GALNT17: variants seen among roughly 807,000 people sequenced by gnomAD.
GALNT17 encodes the protein UDP-GalNAc:polypeptide N-acetylgalactosaminyltransferase-like 3.
GALNT17 carries 29 observed loss-of-function variants against 63.7 expected under a neutral mutation model. That is an observed-to-expected ratio of 0.46 (90% CI 0.34 to 0.62). GALNT17 has a LOEUF of 0.62. Ranked by LOEUF, GALNT17 falls within the 20% of genes least tolerant of loss-of-function variation. The pLI is 0.01. For synonymous variants in GALNT17, 305 were observed against 318.3 expected, an observed-to-expected ratio of 0.96 and a Z score of 0.45; for missense variants, 603 against 799.6, an observed-to-expected ratio of 0.75 and a Z score of 2.97.
At chr7:71,534,320 C>G (rs1788768038) in intron 5 of GALNT17, among the ~76,000 whole-genome samples, 1 of 152,074 alleles carries the variant, frequency 6.6e-6, no homozygotes, top group Admixed American at 6.5e-5. Flanking sequence ...ATCAGATTGG[C>G]CGGGCACAGT....
At chr7:71,454,713 A>G (rs1332883174) in intron 5 of GALNT17, among the ~76,000 whole-genome samples, 1 of 152,198 alleles carries the variant, frequency 6.6e-6, no homozygotes. Context: ...ATTCAGCTTT[A>G]TGCCTCTTCA....
chr7:71,219,053 A>ACAATAACTC (rs1204786301), intron 1 of GALNT17, among the ~76,000 whole-genome samples: 1 of 152,166 alleles, frequency 6.6e-6, no homozygotes, highest in African/African-American at 2.4e-5. Context: ...TGCTGTAGTG[A>ACAATAACTC]CAATAACTCA....
At chr7:71,463,088 G>T (rs1787478409) in intron 5 of GALNT17, among the ~76,000 whole-genome samples, 1 of 152,198 alleles carries the variant, frequency 6.6e-6, no homozygotes, top group Non-Finnish European at 1.5e-5. Flanking sequence ...GGGCTGAAGT[G>T]TGGAGATTGT....
At chr7:71,321,910 C>CCTTCCTTCCTTT (rs1563001159) in intron 1 of GALNT17, among the ~76,000 whole-genome samples, 1 of 94,884 alleles carries the variant, frequency 1.1e-5, no homozygotes, top group African/African-American at 3.8e-5. Flanking sequence ...TTCCTTCCTT[C>CCTTCCTTCCTTT]CTTCCTTCCT....
At chr7:71,711,984 C>G (rs1358556840) in intron 10 of GALNT17, 34 bp from the exon 11 acceptor site, 1 of 1,611,786 alleles carries the variant, frequency 6.2e-7, no homozygotes. Flanking sequence ...TCCTCTCTCT[C>G]TTCTCCTCTC....
intron 1 of GALNT17, among the ~76,000 whole-genome samples, chr7:71,158,096 A>G (rs1788270280): frequency 6.6e-6 from 1 of 151,468 alleles, no homozygotes; most frequent in African/African-American, 2.4e-5. Flanking sequence ...AAGGGAGTGC[A>G]AATATCTCTT....
At chr7:71,491,519 TA>T (rs1267304904) in intron 5 of GALNT17, among the ~76,000 whole-genome samples, 1 of 152,144 alleles carries the variant, frequency 6.6e-6, no homozygotes, top group Non-Finnish European at 1.5e-5. Flanking sequence ...CAGACCCCGG[TA>T]AATTAATCCA....
chr7:71,462,761 A>G (rs764531158), intron 5 of GALNT17, among the ~76,000 whole-genome samples: 1 of 152,194 alleles, frequency 6.6e-6, no homozygotes, highest in Non-Finnish European at 1.5e-5. Flanking sequence ...TTTCCAAAGG[A>G]GGCAATCAGA....
At chr7:71,482,248 C>T (rs1787833933) in intron 5 of GALNT17, among the ~76,000 whole-genome samples, 1 of 151,312 alleles carries the variant, frequency 6.6e-6, no homozygotes, top group Admixed American at 6.6e-5. Flanking sequence ...CTCCCGGGTT[C>T]AAGTGATTCT....
chr7:71,203,049 T>G (rs1789204359), intron 1 of GALNT17, among the ~76,000 whole-genome samples: 1 of 152,120 alleles, frequency 6.6e-6, no homozygotes, highest in Non-Finnish European at 1.5e-5. Flanking sequence ...CATCATCCAT[T>G]GATGGACACT....
chr7:71,621,033 T>G (rs780783362), intron 6 of GALNT17, among the ~76,000 whole-genome samples: 1 of 152,216 alleles, frequency 6.6e-6, no homozygotes, highest in Admixed American at 6.5e-5. Flanking sequence ...AGATTACACT[T>G]AGTTGCATTT....
intron 1 of GALNT17, among the ~76,000 whole-genome samples, chr7:71,218,212 G>A (rs995784321): frequency 6.6e-6 from 1 of 152,124 alleles, no homozygotes; most frequent in Admixed American, 6.5e-5. Context: ...TGGCCAACAT[G>A]GTGAAACCCC....
At chr7:71,416,567 G>A (rs1294526333) in intron 4 of GALNT17, among the ~76,000 whole-genome samples, 3 of 151,716 alleles carry the variant, frequency 2.0e-5, no homozygotes, top group Admixed American at 1.3e-4. Flanking sequence ...AGCCTAGATC[G>A]CGCCACTGCA....
intron 2 of GALNT17, among the ~76,000 whole-genome samples, chr7:71,336,032 C>CTTTTTTT (rs1167623885): frequency 4.7e-5 from 1 of 21,286 alleles, no homozygotes; most frequent in Non-Finnish European, 8.6e-5. Context: ...TTCTTTCTTC[C>CTTTTTTT]TTTTTTTTTT....
At chr7:71,496,981 G>A (rs1157599832) in intron 5 of GALNT17, among the ~76,000 whole-genome samples, 1 of 152,138 alleles carries the variant, frequency 6.6e-6, no homozygotes, top group Non-Finnish European at 1.5e-5. Flanking sequence ...AGGAGGCTGA[G>A]GCAGGAGGAT....
chr7:71,548,153 A>C (rs1412121255), intron 5 of GALNT17, among the ~76,000 whole-genome samples: 1 of 151,992 alleles, frequency 6.6e-6, no homozygotes, highest in Non-Finnish European at 1.5e-5. Context: ...GAGGCAGGAA[A>C]ATCACTTGAA....
chr7:71,546,289 T>A (rs923145959), intron 5 of GALNT17, among the ~76,000 whole-genome samples: 20 of 151,898 alleles, frequency 1.3e-4, no homozygotes, highest in African/African-American at 4.6e-4. Context: ...GCCTCCTGAG[T>A]AGCTGGGACT....
In GALNT17 at chr7:71,623,324, A is replaced by G. The variant is rs913875705; in HGVS notation, c.1081-42087A>G. On this transcript the variant is annotated intron_variant, in intron 6 of 10. Transcript: ENST00000333538. ...GGTTTAAATAAATAAATACATGCAA[A>G]TGACTAAAACAGTGCCTGGCTTGGA... 2.0e-5 allele frequency among the ~76,000 whole-genome samples: 3 copies of G among 150,260 alleles called. No homozygotes were observed. In the South Asian group the frequency reaches 6.3e-4, roughly 31 times the overall value.
At chr7:71,299,336 C>T (rs1791151574) in intron 1 of GALNT17, among the ~76,000 whole-genome samples, 1 of 152,156 alleles carries the variant, frequency 6.6e-6, no homozygotes, top group Non-Finnish European at 1.5e-5. Flanking sequence ...ATGGGAACTG[C>T]CGTTTATGAA....
Sources: allele counts gnomAD v4.1 joint callset (sites outside exome capture counted in the v4.1 genomes callset), GRCh38; gene constraint gnomAD v4.1.1; transcripts MANE v1.5; gene names NCBI Gene and HGNC (gene_info 2026-07-23, HGNC 2026-07-21).